TMPRSS11E: variants seen among roughly 807,000 people sequenced by gnomAD.
TMPRSS11E encodes the protein transmembrane protease serine 11E.
In TMPRSS11E, 38 loss-of-function variants were observed where a neutral mutation model predicts 48.1. The observed-to-expected ratio is 0.79, with a 90% CI of 0.61 to 1.04. The LOEUF (loss-of-function observed/expected upper bound fraction) is 1.04. Ranked by LOEUF, TMPRSS11E falls within the 50% of genes least tolerant of loss-of-function variation. TMPRSS11E has a pLI of 0.00. For synonymous variants in TMPRSS11E, 158 were observed against 171.9 expected, an observed-to-expected ratio of 0.92 and a Z score of 0.63; for missense variants, 530 against 510.8, an observed-to-expected ratio of 1.04 and a Z score of -0.36.
At chr4:68,494,369 G>A (rs948193440) in intron 9 of TMPRSS11E, among the ~76,000 whole-genome samples, 1 of 151,924 alleles carries the variant, frequency 6.6e-6, no homozygotes, top group African/African-American at 2.4e-5. Context: ...ATATTATTAG[G>A]GTTCACTATT....
At chr4:68,491,805 C>T (rs1729730776) in intron 9 of TMPRSS11E, among the ~76,000 whole-genome samples, 1 of 152,114 alleles carries the variant, frequency 6.6e-6, no homozygotes, top group South Asian at 2.1e-4. Context: ...TAAAATGGTA[C>T]CATTAATTTC....
intron 8 of TMPRSS11E, 141 bp from the exon 9 acceptor site, chr4:68,478,708 G>A: frequency 1.2e-6 from 1 of 829,810 alleles, no homozygotes; most frequent in Non-Finnish European, 1.9e-6. Flanking sequence ...TCCAATCTCG[G>A]CCTCTCAAAG....
chr4:68,468,334 A>G (rs918288302), intron 3 of TMPRSS11E, among the ~76,000 whole-genome samples: 10 of 152,134 alleles, frequency 6.6e-5, no homozygotes, highest in African/African-American at 2.2e-4. Flanking sequence ...TCACTTTAGT[A>G]GAGTAAAACT....
chr4:68,476,260 G>A lies in TMPRSS11E; in HGVS notation c.530-1G>A. The A allele has an allele frequency of 6.2e-7, 1 of 1,613,874 alleles. No homozygotes were observed. Among genetic ancestry groups the A allele is most frequent in the Non-Finnish European group, 8.5e-7 (1 of 1,179,946 alleles). On this transcript the variant is annotated splice_acceptor_variant, in intron 6 of 9. Coordinates refer to ENST00000305363, the MANE Select transcript of TMPRSS11E (RefSeq NM_014058.4). LOFTEE classifies it high-confidence loss of function. ...ATGCACCCCCCCTCTCTCTTTTGCA[G>A]GCTGCGGAACACGAAGAAGTAAAAC... is the stretch of plus-strand genomic sequence containing the variant.
Position 68,476,399 on chromosome 4 carries a change from A to T in TMPRSS11E, c.668A>T (p.Asn223Ile). Reference sequence around the variant, plus strand: ...CATCGCTGTGGAGCAACCTTAATTAATGCCACATGGCTTGTGAGTGCTGCT... The same window carrying T: ...CATCGCTGTGGAGCAACCTTAATTATTGCCACATGGCTTGTGAGTGCTGCT... The part of the protein sequence containing the change: ...GSHRCGATLI[N>I]ATWLVSAAHC... Residue 223 changes from asparagine to isoleucine, a missense_variant, in exon 7 of 10, where the codon AAT becomes ATT. Transcript: ENST00000305363. 6.2e-7 allele frequency: 1 copy of T among 1,613,926 alleles called. No individual in the cohort carries two copies. Among genetic ancestry groups the T allele is most frequent in the Non-Finnish European group, 8.5e-7 (1 of 1,179,862 alleles).
intron 1 of TMPRSS11E, 33 bp downstream of exon 1, chr4:68,447,556 T>C (rs1365342848): frequency 6.2e-7 from 1 of 1,600,774 alleles, no homozygotes; most frequent in Non-Finnish European, 8.5e-7. Context: ...TCTAGAAGTC[T>C]TAAGGTAACT....
At position 68,496,672 on chromosome 4, in the gene TMPRSS11E, A is replaced by G. The variant is rs1022288514; in HGVS notation, c.1140A>G (p.Ser380=). Residue 380 remains serine (S), a synonymous_variant, in exon 10 of 10, where the codon TCA becomes TCG. Coordinates refer to ENST00000305363, the MANE Select transcript of TMPRSS11E (RefSeq NM_014058.4). ...ACTCTGGAGGACCACTGGTTAGTTC[A>G]GATGCTAGAGATATCTGGTACCTTG... is the stretch of plus-strand genomic sequence containing the variant. ...QGDSGGPLVS[S]DARDIWYLAG... 6.2e-7 allele frequency: 1 copy of G among 1,613,478 alleles called. No homozygotes were observed. Among genetic ancestry groups the G allele is most frequent in the South Asian group, 1.1e-5 (1 of 91,032 alleles).
At chr4:68,482,840 A>G (rs1184373980) in intron 9 of TMPRSS11E, among the ~76,000 whole-genome samples, 2 of 152,110 alleles carry the variant, frequency 1.3e-5, no homozygotes, top group Non-Finnish European at 2.9e-5. Flanking sequence ...CACCTCATCA[A>G]TCTGGATTTC....
Position 68,477,466 on chromosome 4 carries a change from T to C in TMPRSS11E, c.805T>C (p.Tyr269His). 1 of 1,613,938 alleles carries C rather than the reference T, an allele frequency of 6.2e-7. No homozygotes were observed. Among genetic ancestry groups the C allele is most frequent in the South Asian group, 1.1e-5 (1 of 91,076 alleles). ...GLRRIIVHEK[Y>H]KHPSHDYDIS... ...CCGGAGAATAATTGTCCATGAAAAA[T>C]ACAAACACCCATCACATGACTATGA... Residue 269 changes from tyrosine (Y) to histidine (H), a missense_variant, in exon 8 of 10, where the codon TAC (tyrosine) becomes CAC (histidine). Coordinates refer to ENST00000305363, the MANE Select transcript of TMPRSS11E (RefSeq NM_014058.4).
At chr4:68,495,310 C>G (rs1469943597) in intron 9 of TMPRSS11E, among the ~76,000 whole-genome samples, 1 of 151,778 alleles carries the variant, frequency 6.6e-6, no homozygotes, top group Non-Finnish European at 1.5e-5. Context: ...ATTATTTATT[C>G]TCGGACTCAT....
chr4:68,478,896 G>A lies in TMPRSS11E; in HGVS notation c.1015G>A (p.Ala339Thr), dbSNP rs1198743292. 27 of 1,613,776 alleles carry A rather than the reference G, an allele frequency of 1.7e-5. No homozygotes were observed. Among genetic ancestry groups the A allele is most frequent in the Middle Eastern group, 1.6e-4 (1 of 6,084 alleles). ...LRQAQVTLIDATTCNEPQAYN... is the reference protein window; with the variant it reads ...LRQAQVTLIDTTTCNEPQAYN... The stretch of plus-strand genomic sequence containing the variant: ...ACAAGCACAGGTGACTCTCATAGAC[G>A]CTACAACTTGCAATGAACCTCAAGC... Residue 339 changes from alanine (A) to threonine (T), a missense_variant, in exon 9 of 10, where the codon GCT (alanine) becomes ACT (threonine). Physicochemically the swap from Ala to Thr is moderately conservative, Grantham distance 58. Coordinates refer to ENST00000305363, the MANE Select transcript of TMPRSS11E (RefSeq NM_014058.4).
chr4:68,464,737 A>T (rs937275878), intron 2 of TMPRSS11E, among the ~76,000 whole-genome samples: 4 of 152,202 alleles, frequency 2.6e-5, no homozygotes, highest in Non-Finnish European at 5.9e-5. Flanking sequence ...ATTCAATCTA[A>T]TAAGCCAAAA....
At chr4:68,495,314 G>A (rs1729836109) in intron 9 of TMPRSS11E, among the ~76,000 whole-genome samples, 1 of 151,538 alleles carries the variant, frequency 6.6e-6, no homozygotes, top group African/African-American at 2.4e-5. Context: ...TTTATTCTCG[G>A]ACTCATTTAT....
chr4:68,461,691 G>A, intron 1 of TMPRSS11E, 130 bp from the exon 2 acceptor site: 4 of 1,388,806 alleles, frequency 2.9e-6, no homozygotes, highest in South Asian at 2.8e-5. Flanking sequence ...GAACCAGGGT[G>A]TGCTCTAAAC....
chr4:68,462,581 T>C (rs1289264976), intron 2 of TMPRSS11E, among the ~76,000 whole-genome samples: 1 of 82,528 alleles, frequency 1.2e-5, no homozygotes, highest in African/African-American at 4.2e-5. Flanking sequence ...AGACTCGGTC[T>C]CAAAAAGAAA....
At chr4:68,490,763 T>TTA (rs1428771834) in intron 9 of TMPRSS11E, among the ~76,000 whole-genome samples, 2 of 139,572 alleles carry the variant, frequency 1.4e-5, no homozygotes, top group Non-Finnish European at 3.1e-5. Context: ...TTTTTTTTTT[T>TTA]TTTTTTTTTT....
At chr4:68,461,083 A>T (rs561376006) in intron 1 of TMPRSS11E, among the ~76,000 whole-genome samples, 1 of 151,916 alleles carries the variant, frequency 6.6e-6, no homozygotes, top group Non-Finnish European at 1.5e-5. Flanking sequence ...GGGTTTCACC[A>T]TGTTAGCCAG....
chr4:68,485,806 A>T (rs951732304), intron 9 of TMPRSS11E, among the ~76,000 whole-genome samples: 2 of 152,036 alleles, frequency 1.3e-5, no homozygotes, highest in Non-Finnish European at 2.9e-5. Context: ...CTGTTTTTTT[A>T]AAATTACTGG....
chr4:68,477,735 C>A, intron 8 of TMPRSS11E, 107 bp downstream of exon 8: 1 of 1,376,832 alleles, frequency 7.3e-7, no homozygotes, highest in Non-Finnish European at 1.0e-6. Flanking sequence ...GGTCATATGA[C>A]CTGGACCAAG....
Sources: gnomAD v4.1 joint callset for allele counts (sites outside exome capture counted in the v4.1 genomes callset) on GRCh38, gnomAD v4.1.1 for gene constraint, MANE v1.5 for transcripts, NCBI Gene and HGNC (gene_info 2026-07-23, HGNC 2026-07-21) for gene names.